MOV10L1: variants seen among roughly 807,000 people sequenced by gnomAD.
The protein encoded by MOV10L1 is RNA helicase Mov10l1.
A neutral mutation model predicts 143.8 loss-of-function variants in MOV10L1; 110 were observed. The ratio of observed to expected loss-of-function variants is 0.76; its 90% CI spans 0.66 to 0.90. MOV10L1 has a LOEUF of 0.90. MOV10L1 is among the 40% of genes least tolerant of loss of function. MOV10L1 has a pLI of 0.00. For synonymous variants in MOV10L1, 593 were observed against 581.1 expected (o/e 1.02, Z -0.29); for missense variants, 1,406 against 1,526.8 (o/e 0.92, Z 1.32).
At chr22:50,150,677 C>T (rs1402542964) in intron 20 of MOV10L1, 58 bp from the exon 21 acceptor site, 56 of 1,582,044 alleles carry the variant, frequency 3.5e-5, no homozygotes, top group South Asian at 4.5e-5. Flanking sequence ...CACCTGAGCC[C>T]GTAGGAGTGG....
Position 50,158,406 on chromosome 22 carries a change from T to C in MOV10L1, c.3216+200T>C. On this transcript the variant is annotated intron_variant, in intron 23 of 26. Transcript: ENST00000262794. The surrounding 1 kb of genome is among the most constrained non-coding windows in gnomAD (Gnocchi z 5.0). ...GGGCCAGTTCCGGGCAGCTGCCAGC[T>C]TTTCTACGGCCAGAGCCTCGAACAG... 1 of 578,992 alleles carries C rather than the reference T, an allele frequency of 1.7e-6. No individual in the cohort carries two copies. Among genetic ancestry groups the C allele is most frequent in the Non-Finnish European group, 3.0e-6 (1 of 337,610 alleles). The allele number at this position is 578,992 out of a possible 1,614,324, so 35.9% of individuals were successfully genotyped here.
chr22:50,126,239 A>G lies in MOV10L1; in HGVS notation c.1785A>G (p.Gly595=). The change falls in exon 12 of 27, where the codon GGA becomes GGG. Residue 595 remains glycine (G), a synonymous_variant. Coordinates refer to ENST00000262794, the MANE Select transcript of MOV10L1 (RefSeq NM_018995.3). The part of the protein sequence containing the change: ...KLILKTQEYN[G]HAIEYISYVT... ...TTTTAAAAACTCAAGAGTACAATGGACATGCCATCGAATACATCAGCTACG... is the reference window on the plus strand; with the variant it reads ...TTTTAAAAACTCAAGAGTACAATGGGCATGCCATCGAATACATCAGCTACG... 6.2e-7 allele frequency: 1 copy of G among 1,612,666 alleles called. No individual in the cohort carries two copies. The highest frequency in any genetic ancestry group is 8.5e-7 in the Non-Finnish European group (1 of 1,178,658).
chr22:50,091,802 C>T (rs924644336), intron 1 of MOV10L1, among the ~76,000 whole-genome samples, 199 bp from the exon 2 acceptor site: 1 of 152,194 alleles, frequency 6.6e-6, no homozygotes, highest in Non-Finnish European at 1.5e-5. Flanking sequence ...GGAAACTGGG[C>T]TGTCTGCCTC....
intron 17 of MOV10L1, 26 bp downstream of exon 17, chr22:50,143,247 T>C (rs759782964): frequency 1.1e-5 from 17 of 1,609,568 alleles, no homozygotes; most frequent in Admixed American, 1.7e-5. Flanking sequence ...CCGCGGGTGC[T>C]GTGGCTCTGT....
chr22:50,150,764 C>T lies in MOV10L1; in HGVS notation c.2757C>T (p.Leu919=), dbSNP rs754602008. The T allele has an allele frequency of 1.3e-5, 21 of 1,613,948 alleles. No homozygotes were observed. Among genetic ancestry groups the T allele is most frequent in the East Asian group, 4.5e-5 (2 of 44,892 alleles). The change falls in exon 21 of 27, where the codon CTC becomes CTT. Residue 919 remains leucine, a synonymous_variant. Transcript: ENST00000262794. ...TGCTGGCAGGAGACCCCATGCAGCT[C>T]GGCCCAGTCATTAAGTCCAGACTCG... ...QIVLAGDPMQ[L]GPVIKSRLAM... is the part of the protein sequence containing the mutation.
At chr22:50,144,281 C>T (rs374098740) in intron 18 of MOV10L1, 38 bp downstream of exon 18, 21 of 1,567,870 alleles carry the variant, frequency 1.3e-5, no homozygotes, top group Non-Finnish European at 1.7e-5. Context: ...GCACCAGAAC[C>T]CCTCCCTGGA....
chr22:50,104,684 A>T (rs969803239), intron 3 of MOV10L1, among the ~76,000 whole-genome samples: 7 of 152,320 alleles, frequency 4.6e-5, no homozygotes, highest in African/African-American at 1.2e-4. Context: ...AAAAAATGTC[A>T]TATTGGTTAT....
intron 22 of MOV10L1, among the ~76,000 whole-genome samples, chr22:50,157,660 G>T (rs2063460002): frequency 1.3e-5 from 2 of 148,740 alleles, no homozygotes; most frequent in Admixed American, 6.8e-5. Context: ...GTTCTACCCT[G>T]TTGATCTATA....
chr22:50,137,255 A>G (rs918520074), intron 15 of MOV10L1, among the ~76,000 whole-genome samples: 1 of 152,198 alleles, frequency 6.6e-6, no homozygotes, highest in Non-Finnish European at 1.5e-5. Context: ...ACAGTTATAA[A>G]TATGTTCCAT....
intron 15 of MOV10L1, among the ~76,000 whole-genome samples, chr22:50,135,488 C>A (rs922028498): frequency 1.3e-5 from 2 of 151,944 alleles, no homozygotes; most frequent in Admixed American, 6.6e-5. Flanking sequence ...CGCAGTGGCT[C>A]ACGCCTGTAA....
Position 50,155,312 on chromosome 22 carries a change from G to C in MOV10L1, c.3066+2094G>C, listed in dbSNP as rs117129122. 9.1e-3 allele frequency among the ~76,000 whole-genome samples: 1,377 copies of C among 151,046 alleles called. 19 individuals carry two copies. Among genetic ancestry groups the C allele is most frequent in the East Asian group, 0.038 (194 of 5,144 alleles). On this transcript the variant is annotated intron_variant, in intron 22 of 26. Coordinates refer to ENST00000262794, the MANE Select transcript of MOV10L1 (RefSeq NM_018995.3). ...GTTTTGCTCTTTCACCCCAGCTGGG[G>C]TGCAGTGGCGCCATCTCGGCTCACT... is the stretch of plus-strand genomic sequence containing the variant.
intron 2 of MOV10L1, chr22:50,096,149 TCAG>T (rs2062582922): frequency 6.6e-6 from 1 of 152,238 alleles, no homozygotes; most frequent in Non-Finnish European, 1.5e-5. Flanking sequence ...CAATCTGTCT[TCAG>T]CACTTTTTCA....
Position 50,159,655 on chromosome 22 carries a change from C to A in MOV10L1, c.3217-23C>A. ...GGATTTGTACAGTGTTATCTTTAGTCTTTCTTTTAATCTGTTCTCAAGGTG... is the reference window on the plus strand; with the variant it reads ...GGATTTGTACAGTGTTATCTTTAGTATTTCTTTTAATCTGTTCTCAAGGTG... On this transcript the variant is annotated intron_variant, in intron 23 of 26. Transcript: ENST00000262794. This position sits in a 1 kb window ranked among gnomAD's most constrained non-coding sequence, Gnocchi z 4.1. 1 of 1,444,506 alleles carries A rather than the reference C, an allele frequency of 6.9e-7. No individual in the cohort carries two copies. The highest frequency in any genetic ancestry group is 9.6e-7 in the Non-Finnish European group (1 of 1,037,406). The allele number at this position is 1,444,506 out of a possible 1,614,324, so 89.5% of individuals were successfully genotyped here. A position where few individuals can be genotyped will look rare whatever the true frequency, so the allele number is the denominator to read the frequency against.
At position 50,142,989 on chromosome 22, in the gene MOV10L1, C is replaced by T. The variant is rs550983785; in HGVS notation, c.2180-54C>T. On this transcript the variant is annotated intron_variant, in intron 16 of 26. Transcript: ENST00000262794. ...CCTGACCTAGGTGAGGACGTGTCCA[C>T]AGCTGTTGAGAGCTGTTTGCATCTA... The T allele has an allele frequency of 3.2e-6, 5 of 1,563,154 alleles. No homozygotes were observed. The African/African-American group carries it at 6.8e-5, about 21-fold the overall frequency.
intron 17 of MOV10L1, among the ~76,000 whole-genome samples, chr22:50,143,596 G>C (rs188137856): frequency 6.6e-6 from 1 of 152,202 alleles, no homozygotes; most frequent in Admixed American, 6.5e-5. Flanking sequence ...CTTTTGATGG[G>C]GTTACAACCC....
rs769206642 is a variant in MOV10L1 at position 50,149,604 on chromosome 22, C to T, written c.2628-11C>T. The T allele has an allele frequency of 6.2e-7, 1 of 1,613,234 alleles. No individual in the cohort carries two copies. The highest frequency in any genetic ancestry group is 2.2e-5 in the East Asian group (1 of 44,884). On this transcript the variant is annotated splice_polypyrimidine_tract_variant and intron_variant, in intron 19 of 26. Coordinates refer to ENST00000262794, the MANE Select transcript of MOV10L1 (RefSeq NM_018995.3). ...CGGCAGAAATTACCATTTAGAACAT[C>T]TTTGCTCTAGAGTTGGGCACTTCAC...
intron 3 of MOV10L1, among the ~76,000 whole-genome samples, chr22:50,099,978 T>G (rs2062696392): frequency 6.9e-6 from 1 of 144,876 alleles, no homozygotes; most frequent in Non-Finnish European, 1.5e-5. Context: ...ACTGTTTTGT[T>G]TTTTTTGTTT....
At chr22:50,133,547 C>CA (rs1479793963) in intron 13 of MOV10L1, among the ~76,000 whole-genome samples, 3 of 149,304 alleles carry the variant, frequency 2.0e-5, no homozygotes, top group African/African-American at 4.9e-5. Flanking sequence ...GTGGTTTTTA[C>CA]AAAAATTTTT....
chr22:50,151,765 A>C (rs2063302981), intron 21 of MOV10L1, among the ~76,000 whole-genome samples: 1 of 152,198 alleles, frequency 6.6e-6, no homozygotes. Context: ...ACGTGGCCGC[A>C]GCAGGAGAGA....
Sources: gnomAD v4.1 joint callset for allele counts (sites outside exome capture counted in the v4.1 genomes callset) on GRCh38, gnomAD v4.1.1 for gene constraint, Gnocchi (gnomAD v3.1) non-coding constraint, MANE v1.5 for transcripts, NCBI Gene and HGNC (gene_info 2026-07-23, HGNC 2026-07-21) for gene names.